Variants in DPF3 observed in about 807,000 individuals in gnomAD.
DPF3 encodes the protein zinc finger protein DPF3.
A neutral mutation model predicts 56.8 loss-of-function variants in DPF3; 18 were observed. The observed-to-expected ratio is 0.32, with a 90% confidence interval of 0.22 to 0.47. DPF3 has a LOEUF of 0.47. DPF3 is among the 20% of genes least tolerant of loss of function. DPF3 has a pLI of 1.00. For synonymous variants in DPF3, 188 were observed against 180.2 expected, an observed-to-expected ratio of 1.04 and a Z score of -0.35; for missense variants, 403 against 488.8, an observed-to-expected ratio of 0.82 and a Z score of 1.65.
At chr14:72,892,671 G>C in intron 1 of DPF3, 1 of 1,037,402 alleles carries the variant, frequency 9.6e-7, no homozygotes, top group Non-Finnish European at 1.2e-6. Context: ...AAAGAACCAG[G>C]GTCGACAGCG....
At chr14:72,838,905 A>ATATATATATATATATATATATTTTTTTT in intron 1 of DPF3, among the ~76,000 whole-genome samples, 2 of 64,504 alleles carry the variant, frequency 3.1e-5, no homozygotes, top group African/African-American at 6.6e-5. Context: ...TATCATATAT[A>ATATATATATATATATATATATTTTTTTT]TTCTTTTTTT....
chr14:72,641,758 A>G (rs779087755), intron 8 of DPF3, among the ~76,000 whole-genome samples: 5 of 152,252 alleles, frequency 3.3e-5, no homozygotes, highest in Non-Finnish European at 5.9e-5. Flanking sequence ...CTTTTCAAGA[A>G]GTGGAGGCTA....
chr14:72,866,856 G>A lies in DPF3; in HGVS notation c.32+27201C>T, dbSNP rs573503273. Among the ~76,000 whole-genome samples the A allele has an allele frequency of 2.3e-4, 35 of 149,876 alleles. 1 individual carries two copies. The highest frequency in any genetic ancestry group is 6.8e-4 in the African/African-American group (28 of 40,976). ...GGGCAACAAGAGCGAAACTCCATCC[G>A]ACTCGTGATCCACCCGACTCGGCCT... On this transcript the variant is annotated intron_variant, in intron 1 of 10. Coordinates refer to ENST00000556509, the MANE Select transcript of DPF3 (RefSeq NM_001280542.3).
intron 8 of DPF3, among the ~76,000 whole-genome samples, chr14:72,663,053 AGC>A (rs1886285798): frequency 6.6e-6 from 1 of 151,784 alleles, no homozygotes; most frequent in East Asian, 1.9e-4. Context: ...GAACTTCAGC[AGC>A]ATGAGATCAG....
At chr14:72,864,101 T>C (rs1285288536) in intron 1 of DPF3, among the ~76,000 whole-genome samples, 2 of 152,078 alleles carry the variant, frequency 1.3e-5, no homozygotes, top group Admixed American at 6.5e-5. Context: ...CCCTGGTCCC[T>C]CCAGAGAGAA....
intron 1 of DPF3, among the ~76,000 whole-genome samples, chr14:72,884,978 G>T (rs1449849035): frequency 7.4e-5 from 2 of 26,928 alleles, no homozygotes; most frequent in African/African-American, 1.4e-4. Flanking sequence ...ATATTAGCCG[G>T]GCGTAAGGCG....
chr14:72,753,156 G>T, intron 3 of DPF3, 108 bp downstream of exon 3: 1 of 972,536 alleles, frequency 1.0e-6, no homozygotes, highest in Non-Finnish European at 1.5e-6. Flanking sequence ...CCCTCTCCCA[G>T]AAAACTTAGC....
rs72728536 is a variant in DPF3 at position 72,613,986 on chromosome 14, C to T, written c.*5311G>A. On this transcript the variant is annotated 3_prime_UTR_variant, in exon 11 of 11. Coordinates refer to ENST00000556509, the MANE Select transcript of DPF3 (RefSeq NM_001280542.3). ...CTCTCCCCTCCTTCCCCCTGCCCCA[C>T]TCTCAGCTGTCCACTCACAGACCAG... Among the ~76,000 whole-genome samples the T allele has an allele frequency of 0.3, 45,038 of 151,928 alleles. 8,034 individuals are homozygous for T. The highest frequency in any genetic ancestry group is 0.68 in the East Asian group (3,493 of 5,132).
At chr14:72,736,644 A>G (rs1386002049) in intron 3 of DPF3, among the ~76,000 whole-genome samples, 1 of 152,162 alleles carries the variant, frequency 6.6e-6, no homozygotes, top group East Asian at 1.9e-4. Context: ...TGAAGGAGGA[A>G]GAAAGGTAAC....
chr14:72,825,061 T>A (rs1883736472), intron 1 of DPF3, among the ~76,000 whole-genome samples: 1 of 151,890 alleles, frequency 6.6e-6, no homozygotes, highest in Admixed American at 6.6e-5. Flanking sequence ...CTAATTTTTG[T>A]ATTTTTAGTA....
intron 2 of DPF3, among the ~76,000 whole-genome samples, chr14:72,758,364 C>T (rs1002093300): frequency 6.6e-5 from 10 of 152,162 alleles, no homozygotes; most frequent in Non-Finnish European, 1.3e-4. Context: ...AGTCTCCAGA[C>T]TGGAACACAA....
At chr14:72,863,070 ATATATATATATATATATATATATATAT>A (rs1486009984) in intron 1 of DPF3, among the ~76,000 whole-genome samples, 12 of 2,028 alleles carry the variant, frequency 5.9e-3, no homozygotes, top group African/African-American at 0.019. Flanking sequence ...ATATATATAT[ATATATATATATATATATATATATATAT>A]ATATGTGTGT....
chr14:72,887,360 C>A lies in DPF3; in HGVS notation c.32+6697G>T, dbSNP rs543131014. ...GAAGAAAATCACTGAAAAGGAAGAGCCAGAGGAAAAGCCCACATTCTAAAT... is the reference window on the plus strand; with the variant it reads ...GAAGAAAATCACTGAAAAGGAAGAGACAGAGGAAAAGCCCACATTCTAAAT... On this transcript the variant is annotated intron_variant, in intron 1 of 10. Transcript: ENST00000556509. Among the ~76,000 whole-genome samples, 4 of 152,052 alleles carry A rather than the reference C, an allele frequency of 2.6e-5. No homozygotes were observed. The South Asian group carries it at 8.3e-4, about 32-fold the overall frequency.
chr14:72,884,971 T>TGTATATATATATA (rs10523148), intron 1 of DPF3, among the ~76,000 whole-genome samples: 3 of 111,678 alleles, frequency 2.7e-5, no homozygotes, highest in Non-Finnish European at 5.6e-5. Flanking sequence ...TATATATATA[T>TGTATATATATATA]TAGCCGGGCG....
chr14:72,725,734 G>A (rs1385474686), intron 4 of DPF3, among the ~76,000 whole-genome samples: 1 of 152,090 alleles, frequency 6.6e-6, no homozygotes, highest in African/African-American at 2.4e-5. Flanking sequence ...CCTCCTGGAT[G>A]ACACCTCTGG....
At chr14:72,665,276 C>T (rs1172350445) in intron 8 of DPF3, among the ~76,000 whole-genome samples, 1 of 152,174 alleles carries the variant, frequency 6.6e-6, no homozygotes, top group African/African-American at 2.4e-5. Context: ...ATTCATTGCC[C>T]CATGTTTAAT....
chr14:72,800,989 G>A (rs12435401), intron 1 of DPF3, among the ~76,000 whole-genome samples: 22,905 of 152,242 alleles, frequency 0.15, 1,830 homozygotes, highest in Middle Eastern at 0.32. Flanking sequence ...TGGAATAACG[G>A]GAGATGACTC....
chr14:72,695,006 T>C (rs1032767265), intron 6 of DPF3, among the ~76,000 whole-genome samples: 2 of 152,254 alleles, frequency 1.3e-5, no homozygotes, highest in African/African-American at 4.8e-5. Flanking sequence ...TTATTTGATA[T>C]ACTGCTGCAT....
chr14:72,671,535 C>G lies in DPF3; in HGVS notation c.871+2705G>C, dbSNP rs533327434. On this transcript the variant is annotated intron_variant, in intron 8 of 10. Coordinates refer to ENST00000556509, the MANE Select transcript of DPF3 (RefSeq NM_001280542.3). Reference sequence around the variant, plus strand: ...ACATTTCCAGGGAAGAGGCTTCCCCCACTCCCCGAAAAGGCATCATCTCTA... The same window carrying G: ...ACATTTCCAGGGAAGAGGCTTCCCCGACTCCCCGAAAAGGCATCATCTCTA... The G allele has an allele frequency of 1.5e-5, 12 of 806,842 alleles. No homozygotes were observed. The Admixed American group carries it at 1.9e-4, about 13-fold the overall frequency. The allele number at this position is 806,842 out of a possible 1,614,324, so 50.0% of individuals were successfully genotyped here.
Sources: allele counts gnomAD v4.1 joint callset (sites outside exome capture counted in the v4.1 genomes callset), GRCh38; gene constraint gnomAD v4.1.1; transcripts MANE v1.5; gene names NCBI Gene and HGNC (gene_info 2026-07-23, HGNC 2026-07-21).